Variants in GLIS3 observed in about 807,000 individuals in gnomAD.
GLIS3 encodes the protein GLIS family zinc finger 3.
GLIS3 carries 53 observed loss-of-function variants against 78.6 expected under a neutral mutation model. The observed-to-expected ratio is 0.67, with a 90% CI of 0.54 to 0.85. GLIS3 has a LOEUF of 0.85. GLIS3 is among the 40% of genes least tolerant of loss of function. GLIS3 has a pLI of 0.00. For missense variants in GLIS3, 1,703 were observed against 1,231.1 expected (o/e 1.38, Z -5.74); for synonymous variants, 684 against 509.9 (o/e 1.34, Z -4.60).
intron 8 of GLIS3, among the ~76,000 whole-genome samples, chr9:3,858,992 C>T (rs1036941457): frequency 7.9e-5 from 12 of 151,954 alleles, no homozygotes; most frequent in Non-Finnish European, 1.5e-4. Context: ...ACTTGTTAAC[C>T]AGCTCATAGT....
chr9:4,026,325 C>A (rs1823344649), intron 4 of GLIS3, among the ~76,000 whole-genome samples: 2 of 152,322 alleles, frequency 1.3e-5, no homozygotes, highest in South Asian at 4.1e-4. Flanking sequence ...TTTTTCCTAG[C>A]AAACACAAAT....
intron 2 of GLIS3, among the ~76,000 whole-genome samples, chr9:4,260,497 G>A (rs982733231): frequency 1.3e-5 from 2 of 151,504 alleles, no homozygotes; most frequent in Admixed American, 6.6e-5. Context: ...AACTCGGGGG[G>A]CAGAGGTTGT....
At chr9:4,425,516 GA>G in the GLIS3 span, among the ~76,000 whole-genome samples, 3 of 152,174 alleles carry the variant, frequency 2.0e-5, no homozygotes, top group Non-Finnish European at 4.4e-5. Context: ...GGAAATGAAG[GA>G]TTTTCTCATA....
chr9:4,398,468 G>C, the GLIS3 span, among the ~76,000 whole-genome samples: 2 of 151,940 alleles, frequency 1.3e-5, no homozygotes, highest in Non-Finnish European at 2.9e-5. Context: ...ACCCATGCTG[G>C]AGTTGCCTTG....
At chr9:4,231,919 T>C (rs1822287554) in intron 2 of GLIS3, among the ~76,000 whole-genome samples, 2 of 152,226 alleles carry the variant, frequency 1.3e-5, no homozygotes, top group Non-Finnish European at 1.5e-5. Flanking sequence ...ATTATGTTCC[T>C]GTTAAAGCCC....
chr9:4,465,218 A>T, the GLIS3 span, among the ~76,000 whole-genome samples: 2 of 152,214 alleles, frequency 1.3e-5, no homozygotes, highest in Admixed American at 1.3e-4. Context: ...GAATGGAGGA[A>T]ATTTACATAT....
chr9:4,119,707 G>C (rs806051), intron 3 of GLIS3, among the ~76,000 whole-genome samples: 94,187 of 151,980 alleles, frequency 0.62, 29,585 homozygotes, highest in East Asian at 0.86. Flanking sequence ...TTCTGTAATT[G>C]ACTTTTGCAA....
At chr9:3,947,007 A>G (rs1398183148) in intron 4 of GLIS3, among the ~76,000 whole-genome samples, 1 of 142,670 alleles carries the variant, frequency 7.0e-6, no homozygotes, top group African/African-American at 2.5e-5. Context: ...CCTACAGCCA[A>G]CCCCTCACGA....
At chr9:4,365,016 T>C in the GLIS3 span, among the ~76,000 whole-genome samples, 30 of 152,218 alleles carry the variant, frequency 2.0e-4, no homozygotes, top group African/African-American at 7.2e-4. Flanking sequence ...AATTGGATAT[T>C]TTTAACTTAT....
intron 4 of GLIS3, among the ~76,000 whole-genome samples, chr9:4,044,634 G>A (rs1298931034): frequency 6.6e-6 from 1 of 152,156 alleles, no homozygotes; most frequent in Non-Finnish European, 1.5e-5. Context: ...TCTGGGTTGG[G>A]TACAGTAGAC....
At chr9:3,913,442 C>A (rs1010899590) in intron 6 of GLIS3, among the ~76,000 whole-genome samples, 5 of 152,328 alleles carry the variant, frequency 3.3e-5, no homozygotes, top group African/African-American at 1.2e-4. Context: ...TGCTGGCTCT[C>A]ACCTAGCTTC....
At chr9:4,185,321 T>C (rs894825301) in intron 2 of GLIS3, among the ~76,000 whole-genome samples, 34 of 152,242 alleles carry the variant, frequency 2.2e-4, no homozygotes, top group African/African-American at 5.3e-4. Flanking sequence ...TATTCCATTA[T>C]ATGGCTAAAC....
chr9:4,306,243 T>C (rs1817225230), intron 4 of GLIS3, among the ~76,000 whole-genome samples: 1 of 107,258 alleles, frequency 9.3e-6, no homozygotes, highest in African/African-American at 3.7e-5. Context: ...AGCTAATTTC[T>C]TTTATTTTTG....
In GLIS3 at chr9:4,295,560, T is replaced by TA. The variant is rs766748575; in HGVS notation, c.-99+3860dup. On this transcript the variant is annotated intron_variant, in intron 1 of 10. Coordinates refer to ENST00000381971, the MANE Select transcript of GLIS3 (RefSeq NM_001042413.2). ...TATTCCATTTACACAAGATTTTTTT[T>TA]AAAAAAACCAGACAAAACTAATATA... Among the ~76,000 whole-genome samples, 60 of 152,164 alleles carry TA rather than the reference T, an allele frequency of 3.9e-4. 1 individual carries two copies. The highest frequency in any genetic ancestry group is 5.4e-4 in the Non-Finnish European group (37 of 67,994).
chr9:4,424,281 G>T, the GLIS3 span, among the ~76,000 whole-genome samples: 1 of 152,152 alleles, frequency 6.6e-6, no homozygotes, highest in Non-Finnish European at 1.5e-5. Flanking sequence ...TTTTCACTGT[G>T]TATTTTTAAG....
At chr9:4,052,001 A>C (rs1316000528) in intron 4 of GLIS3, among the ~76,000 whole-genome samples, 1 of 152,220 alleles carries the variant, frequency 6.6e-6, no homozygotes, top group Non-Finnish European at 1.5e-5. Flanking sequence ...TACAGATTAG[A>C]GTGCATTGGG....
At chr9:4,107,167 T>C (rs1421534831) in intron 4 of GLIS3, among the ~76,000 whole-genome samples, 1 of 152,180 alleles carries the variant, frequency 6.6e-6, no homozygotes, top group Non-Finnish European at 1.5e-5. Flanking sequence ...AAGATTGAAA[T>C]GTGTTTTCTT....
chr9:4,130,981 C>G (rs925804884), intron 2 of GLIS3, among the ~76,000 whole-genome samples: 1 of 152,202 alleles, frequency 6.6e-6, no homozygotes, highest in Non-Finnish European at 1.5e-5. Flanking sequence ...TAGGAGCCCA[C>G]CTCTTGCACC....
At chr9:3,987,238 A>T (rs962527158) in intron 4 of GLIS3, among the ~76,000 whole-genome samples, 21 of 152,132 alleles carry the variant, frequency 1.4e-4, no homozygotes, top group African/African-American at 5.1e-4. Context: ...AAATTAGTGG[A>T]CTTGAGGGCA....
Sources: allele counts gnomAD v4.1 joint callset (sites outside exome capture counted in the v4.1 genomes callset), GRCh38; gene constraint gnomAD v4.1.1; transcripts MANE v1.5; gene names NCBI Gene and HGNC (gene_info 2026-07-23, HGNC 2026-07-21).